Variants in APAF1 observed in about 807,000 individuals in gnomAD.
The protein encoded by APAF1 is apoptotic peptidase activating factor 1, also known as apoptotic protease-activating factor 1.
Under a neutral mutation model 152.4 loss-of-function variants are expected in APAF1, and 91 were observed. The observed-to-expected ratio is 0.60, with a 90% CI of 0.50 to 0.71. APAF1 has a LOEUF of 0.71. Among genes scored for constraint, APAF1 ranks in the 30% least tolerant of loss-of-function variants. The pLI is 0.00. For synonymous variants in APAF1, 484 were observed against 494.1 expected, an observed-to-expected ratio of 0.98 and a Z score of 0.27; for missense variants, 1,283 against 1,472.0, an observed-to-expected ratio of 0.87 and a Z score of 2.10.
intron 4 of APAF1, among the ~76,000 whole-genome samples, chr12:98,651,279 T>C (rs2097648626): frequency 6.6e-6 from 1 of 152,370 alleles, no homozygotes; most frequent in African/African-American, 2.4e-5. Context: ...CCTATTCTTA[T>C]TTCCTTTCCC....
chr12:98,677,588 T>G (rs2097687960), intron 13 of APAF1, 37 bp downstream of exon 13: 2 of 1,613,696 alleles, frequency 1.2e-6, no homozygotes, highest in Admixed American at 3.3e-5. Context: ...CAAAGAGGCA[T>G]GTATCCAGTT....
At chr12:98,679,960 G>GAAACAAGACCAGTGGGCC (rs2097690632) in intron 13 of APAF1, among the ~76,000 whole-genome samples, 1 of 152,246 alleles carries the variant, frequency 6.6e-6, no homozygotes, top group Non-Finnish European at 1.5e-5. Flanking sequence ...CCAAGTGGGT[G>GAAACAAGACCAGTGGGCC]AAACAAGACC....
At chr12:98,660,588 G>C (rs896137725) in intron 5 of APAF1, among the ~76,000 whole-genome samples, 14 of 152,296 alleles carry the variant, frequency 9.2e-5, no homozygotes, top group African/African-American at 3.4e-4. Flanking sequence ...GTTGCTGCTT[G>C]TCTTAAGAGT....
At chr12:98,729,230 C>T (rs2097756287) in intron 26 of APAF1, among the ~76,000 whole-genome samples, 1 of 152,182 alleles carries the variant, frequency 6.6e-6, no homozygotes, top group Non-Finnish European at 1.5e-5. Context: ...AGATGATACT[C>T]TATATCAGCG....
chr12:98,662,308 G>A (rs11109561), intron 5 of APAF1, 148 bp from the exon 6 acceptor site: 97,345 of 642,844 alleles, frequency 0.15, 8,346 homozygotes, highest in Non-Finnish European at 0.18. Context: ...ATAGCAAAGA[G>A]GAAGAATCAT....
intron 21 of APAF1, among the ~76,000 whole-genome samples, chr12:98,713,149 T>C (rs2097730005): frequency 6.6e-6 from 1 of 152,206 alleles, no homozygotes; most frequent in Non-Finnish European, 1.5e-5. Flanking sequence ...AATAAATCTT[T>C]CTGTGATCTA....
At chr12:98,704,255 C>T (rs1292645853) in intron 18 of APAF1, among the ~76,000 whole-genome samples, 1 of 152,264 alleles carries the variant, frequency 6.6e-6, no homozygotes, top group Admixed American at 6.5e-5. Flanking sequence ...GGTGTATCAC[C>T]TTGCCTGGCC....
At chr12:98,656,474 G>A (rs1181379465) in intron 4 of APAF1, among the ~76,000 whole-genome samples, 1 of 152,116 alleles carries the variant, frequency 6.6e-6, no homozygotes, top group African/African-American at 2.4e-5. Flanking sequence ...ATCAAACCAG[G>A]CTTCACAGCC....
At chr12:98,667,446 T>C in intron 9 of APAF1, 67 bp from the exon 10 acceptor site, 2 of 1,584,034 alleles carry the variant, frequency 1.3e-6, no homozygotes, top group South Asian at 2.2e-5. Flanking sequence ...CTTTGGAAGC[T>C]GAAGTTACTG....
intron 12 of APAF1, among the ~76,000 whole-genome samples, chr12:98,672,321 T>C (rs961739971): frequency 3.3e-5 from 5 of 151,792 alleles, no homozygotes; most frequent in African/African-American, 1.2e-4. Flanking sequence ...CCCACCACCA[T>C]GCCTGTCTAG....
chr12:98,699,511 GT>G lies in APAF1; in HGVS notation c.2410del (p.Cys804ValfsTer10). On this transcript the variant is annotated frameshift_variant, in exon 17 of 27. Transcript: ENST00000551964. LOFTEE classifies it high-confidence loss of function. ...PQEDMEVIVKCCSWSADGARI... is the reference protein window; with the variant it reads ...PQEDMEVIVKXCSWSADGARI... ...GAGGATATGGAAGTGATAGTGAAGTGTTGTTCGTGGTCTGCTGATGGTGCAA... is the reference window on the plus strand; with the variant it reads ...GAGGATATGGAAGTGATAGTGAAGTGTGTTCGTGGTCTGCTGATGGTGCAA... 1 of 1,614,218 alleles carries G rather than the reference GT, an allele frequency of 6.2e-7. No individual in the cohort carries two copies. The highest frequency in any genetic ancestry group is 8.5e-7 in the Non-Finnish European group (1 of 1,180,042).
At chr12:98,652,722 G>T (rs1002480713) in intron 4 of APAF1, among the ~76,000 whole-genome samples, 1 of 151,992 alleles carries the variant, frequency 6.6e-6, no homozygotes, top group South Asian at 2.1e-4. Context: ...TGCTTCCCAG[G>T]TTCAAGCGAT....
At chr12:98,701,696 A>T (rs1185968155) in intron 17 of APAF1, among the ~76,000 whole-genome samples, 1 of 152,236 alleles carries the variant, frequency 6.6e-6, no homozygotes, top group Non-Finnish European at 1.5e-5. Flanking sequence ...TGTTTTAAAA[A>T]TCTGTACAGC....
intron 4 of APAF1, among the ~76,000 whole-genome samples, chr12:98,653,975 C>G (rs1475625021): frequency 6.6e-6 from 1 of 151,786 alleles, no homozygotes; most frequent in Non-Finnish European, 1.5e-5. Flanking sequence ...TAATTGCTAC[C>G]AGGATAAGCC....
Position 98,732,899 on chromosome 12 carries a change from T to C in APAF1, c.*333T>C. 3.2e-6 allele frequency: 1 copy of C among 311,192 alleles called. No individual in the cohort carries two copies. Among genetic ancestry groups the C allele is most frequent in the Non-Finnish European group, 6.1e-6 (1 of 165,040 alleles). 19.3% of individuals were successfully genotyped at this position (311,192 alleles called of 1,614,324 possible). A position where few individuals can be genotyped will look rare whatever the true frequency, so the allele number is the denominator to read the frequency against. On this transcript the variant is annotated 3_prime_UTR_variant, in exon 27 of 27. Coordinates refer to ENST00000551964, the MANE Select transcript of APAF1 (RefSeq NM_181861.2). ...TTAATGAGAAGAATTTGGAAGAAAT[T>C]GGTATTTTAATACTGTCTGTATTTA... is the stretch of plus-strand genomic sequence containing the variant.
chr12:98,723,232 G>C lies in APAF1; in HGVS notation c.3124G>C (p.Gly1042Arg). The C allele has an allele frequency of 6.2e-7, 1 of 1,613,442 alleles. No individual in the cohort carries two copies. The highest frequency in any genetic ancestry group is 8.5e-7 in the Non-Finnish European group (1 of 1,179,494). The stretch of plus-strand genomic sequence containing the variant: ...ATTGGACAAATGTATCTTTCTACGA[G>C]GCCATCAGGAAACAGTGAAAGACTT... ...WQLDKCIFLR[G>R]HQETVKDFRL... The change falls in exon 23 of 27, where the codon GGC becomes CGC. Residue 1042 changes from glycine (G) to arginine (R), a missense_variant. Gly to Arg is a moderately radical substitution (Grantham distance 125). Transcript: ENST00000551964.
chr12:98,681,886 A>G (rs2097692587), intron 14 of APAF1, among the ~76,000 whole-genome samples: 1 of 152,212 alleles, frequency 6.6e-6, no homozygotes, highest in Admixed American at 6.5e-5. Flanking sequence ...GATTCTAATC[A>G]GTGCTTTGAT....
At position 98,723,306 on chromosome 12, in the gene APAF1, A is replaced by G; in HGVS notation, c.3198A>G (p.Thr1066=). 6.2e-7 allele frequency: 1 copy of G among 1,613,362 alleles called. No homozygotes were observed. Among genetic ancestry groups the G allele is most frequent in the Non-Finnish European group, 8.5e-7 (1 of 1,179,408 alleles). The stretch of plus-strand genomic sequence containing the variant: ...TGCTTTCTTGGTCATTTGATGGAAC[A>G]GTGAAGGTAATTTAAAGTATAAATT... ...SRLLSWSFDG[T]VKVWNIITGN... Residue 1066 remains threonine, a synonymous_variant, in exon 23 of 27, where the codon ACA becomes ACG. Transcript: ENST00000551964.
At chr12:98,667,243 A>G (rs986043891) in intron 9 of APAF1, among the ~76,000 whole-genome samples, 1 of 151,782 alleles carries the variant, frequency 6.6e-6, no homozygotes, top group South Asian at 2.1e-4. Flanking sequence ...CTGCAGGCAT[A>G]TGCCACCACA....
Sources: gnomAD v4.1 joint callset for allele counts (sites outside exome capture counted in the v4.1 genomes callset) on GRCh38, gnomAD v4.1.1 for gene constraint, MANE v1.5 for transcripts, NCBI Gene and HGNC (gene_info 2026-07-23, HGNC 2026-07-21) for gene names.